NR2C1: variants seen among roughly 807,000 people sequenced by gnomAD.
NR2C1 encodes the protein TR2 nuclear hormone receptor.
A neutral mutation model predicts 74.8 loss-of-function variants in NR2C1; 33 were observed. That is an observed-to-expected ratio of 0.44 (90% CI 0.33 to 0.59). The LOEUF (loss-of-function observed/expected upper bound fraction) is 0.59, where lower values mean the gene tolerates loss of function less well. NR2C1 is among the 20% of genes least tolerant of loss of function. NR2C1 has a pLI of 0.02. For synonymous variants in NR2C1, 225 were observed against 240.6 expected (o/e 0.94, Z 0.60); for missense variants, 568 against 715.6 (o/e 0.79, Z 2.35).
In NR2C1 at chr12:95,020,256, C is replaced by A. The variant is rs917329218; in HGVS notation, c.*1973G>T. 1.8e-4 allele frequency: 27 copies of A among 152,118 alleles called. No individual in the cohort carries two copies. Among genetic ancestry groups the A allele is most frequent in the African/African-American group, 6.3e-4 (26 of 41,422 alleles). 9.4% of individuals were successfully genotyped at this position (152,118 alleles called of 1,614,324 possible). On this transcript the variant is annotated 3_prime_UTR_variant, in exon 14 of 14. Transcript: ENST00000333003. ...AAAAGGAAAATGAATAATATATTTACAAATATACTGGTAAGACACAGAAAT... is the reference window on the plus strand; with the variant it reads ...AAAAGGAAAATGAATAATATATTTAAAAATATACTGGTAAGACACAGAAAT...
intron 2 of NR2C1, chr12:95,062,981 T>G (rs1053099753): frequency 1.9e-6 from 1 of 537,542 alleles, no homozygotes; most frequent in Admixed American, 3.3e-5. Context: ...CCCTCCCATG[T>G]TCCATTTAGA....
At chr12:95,055,609 A>G (rs1220643112) in intron 7 of NR2C1, among the ~76,000 whole-genome samples, 1 of 152,206 alleles carries the variant, frequency 6.6e-6, no homozygotes, top group African/African-American at 2.4e-5. Flanking sequence ...CAAGTGACAA[A>G]TATATAACAA....
chr12:95,023,664 C>G (rs1447294726), intron 13 of NR2C1, among the ~76,000 whole-genome samples: 3 of 152,202 alleles, frequency 2.0e-5, no homozygotes, highest in African/African-American at 7.2e-5. Flanking sequence ...CTGCCAATTT[C>G]TGTGCCAGGT....
intron 10 of NR2C1, 30 bp downstream of exon 10, chr12:95,040,446 C>G (rs1291870626): frequency 1.9e-6 from 3 of 1,579,154 alleles, no homozygotes; most frequent in Non-Finnish European, 2.6e-6. Context: ...TACAAAATCA[C>G]ATTTATATTC....
intron 10 of NR2C1, among the ~76,000 whole-genome samples, chr12:95,032,197 C>A (rs913412625): frequency 1.3e-5 from 2 of 152,158 alleles, no homozygotes; most frequent in African/African-American, 4.8e-5. Context: ...AGGCAAGCAA[C>A]CAATTTTAGG....
chr12:95,055,226 A>C (rs376354768), intron 7 of NR2C1, among the ~76,000 whole-genome samples: 1 of 152,240 alleles, frequency 6.6e-6, no homozygotes, highest in Non-Finnish European at 1.5e-5. Flanking sequence ...AGCTTACCAT[A>C]CGGTTGTCAT....
intron 1 of NR2C1, among the ~76,000 whole-genome samples, chr12:95,073,173 G>T (rs957700741): frequency 6.6e-6 from 1 of 152,208 alleles, no homozygotes; most frequent in African/African-American, 2.4e-5. Flanking sequence ...CTCTCCCGGG[G>T]CCCCGCGCAT....
At chr12:95,028,627 T>C (rs1869664502) in intron 11 of NR2C1, 103 bp from the exon 12 acceptor site, 1 of 866,908 alleles carries the variant, frequency 1.2e-6, no homozygotes, top group Non-Finnish European at 1.8e-6. Context: ...ATTTTTTAAT[T>C]CTTAAATTTT....
intron 9 of NR2C1, among the ~76,000 whole-genome samples, chr12:95,043,001 C>A (rs187669529): frequency 6.6e-6 from 1 of 150,964 alleles, no homozygotes; most frequent in African/African-American, 2.4e-5. Flanking sequence ...TGATGGCTCA[C>A]ACCTGTATCC....
chr12:95,066,021 T>C (rs1355154289), intron 2 of NR2C1, among the ~76,000 whole-genome samples: 5 of 152,142 alleles, frequency 3.3e-5, no homozygotes, highest in Non-Finnish European at 4.4e-5. Flanking sequence ...AATTCATTCA[T>C]CCTATTTTTT....
intron 9 of NR2C1, among the ~76,000 whole-genome samples, chr12:95,047,246 GAAA>G (rs1344106235): frequency 2.0e-5 from 3 of 152,032 alleles, no homozygotes; most frequent in Non-Finnish European, 4.4e-5. Flanking sequence ...AGAACAATGG[GAAA>G]AATCAAGTTT....
Position 95,026,376 on chromosome 12 carries a change from T to C in NR2C1, c.1532-1121A>G, listed in dbSNP as rs569697377. ...AATAACAGAAACATGAAAAAATCTA[T>C]ATAAGCATTTCAATGGTCACTATAA... On this transcript the variant is annotated intron_variant, in intron 12 of 13. Coordinates refer to ENST00000333003, the MANE Select transcript of NR2C1 (RefSeq NM_003297.4). Among the ~76,000 whole-genome samples the C allele has an allele frequency of 1.5e-4, 23 of 152,184 alleles. 1 individual carries two copies. In the South Asian group the frequency reaches 4.4e-3, roughly 29 times the overall value.
chr12:95,066,944 C>T (rs117264318), intron 2 of NR2C1: 2,028 of 191,748 alleles, frequency 0.011, 9 homozygotes, highest in Admixed American at 0.015. Context: ...AGGACACAAC[C>T]ATTTAAAAAA....
At chr12:95,046,124 G>T (rs966974251) in intron 9 of NR2C1, among the ~76,000 whole-genome samples, 4 of 152,128 alleles carry the variant, frequency 2.6e-5, no homozygotes. Context: ...ACAGGTGTGA[G>T]CCACCACACC....
chr12:95,070,134 T>C (rs1384400207), intron 1 of NR2C1, among the ~76,000 whole-genome samples: 1 of 152,156 alleles, frequency 6.6e-6, no homozygotes, highest in Non-Finnish European at 1.5e-5. Context: ...TTTTGTTTTT[T>C]GTTTTTTGTT....
chr12:95,052,039 A>G, intron 7 of NR2C1, 96 bp from the exon 8 acceptor site: 1 of 759,140 alleles, frequency 1.3e-6, no homozygotes, highest in East Asian at 2.9e-5. Flanking sequence ...CCAACAAAAG[A>G]ACAGTATGAT....
intron 9 of NR2C1, among the ~76,000 whole-genome samples, chr12:95,041,284 G>C (rs576279891): frequency 1.3e-5 from 2 of 152,148 alleles, no homozygotes; most frequent in Non-Finnish European, 2.9e-5. Flanking sequence ...TCGAGAGATC[G>C]AGACCATCCC....
chr12:95,037,894 CAAAAAAA>C (rs988473049), intron 10 of NR2C1, among the ~76,000 whole-genome samples: 1 of 67,072 alleles, frequency 1.5e-5, no homozygotes, highest in African/African-American at 5.9e-5. Context: ...GCCTCCATCT[CAAAAAAA>C]AAAAAAAAAA....
intron 10 of NR2C1, among the ~76,000 whole-genome samples, chr12:95,032,819 T>A (rs1163430083): frequency 7.9e-5 from 12 of 151,992 alleles, no homozygotes; most frequent in Non-Finnish European, 1.2e-4. Context: ...AATACAAAAA[T>A]TAGCTGGGTG....
Sources: allele counts gnomAD v4.1 joint callset (sites outside exome capture counted in the v4.1 genomes callset), GRCh38; gene constraint gnomAD v4.1.1; transcripts MANE v1.5; gene names NCBI Gene and HGNC (gene_info 2026-07-23, HGNC 2026-07-21).